Variants in STK36 observed in about 807,000 individuals in gnomAD.
The protein encoded by STK36 is serine/threonine-protein kinase 36.
Under a neutral mutation model 142.2 loss-of-function variants are expected in STK36, and 116 were observed. That is an observed-to-expected ratio of 0.82 (90% CI 0.70 to 0.95). The LOEUF (loss-of-function observed/expected upper bound fraction) is 0.95, where lower values mean the gene tolerates loss of function less well. Among genes scored for constraint, STK36 ranks in the 40% least tolerant of loss-of-function variants. STK36 has a pLI of 0.00. For missense variants in STK36, 1,422 were observed against 1,617.2 expected (o/e 0.88, Z 2.07); for synonymous variants, 619 against 641.7 (o/e 0.96, Z 0.53).
intron 11 of STK36, chr2:218,688,305 C>A: frequency 2.2e-6 from 1 of 458,198 alleles, no homozygotes; most frequent in Non-Finnish European, 4.4e-6. Flanking sequence ...GTTGTTTTGT[C>A]TTTCTGTGGT....
At position 218,694,720 on chromosome 2, in the gene STK36, A is replaced by C; in HGVS notation, c.2511+85A>C. 6.7e-6 allele frequency: 8 copies of C among 1,194,676 alleles called. No individual in the cohort carries two copies. The highest frequency in any genetic ancestry group is 9.8e-6 in the Non-Finnish European group (8 of 815,628). 74.0% of individuals were successfully genotyped at this position (1,194,676 alleles called of 1,614,324 possible). ...TTCAAGGGGAAAAGACTGAAATGCC[A>C]GCAAGCCTGGAGTAAACTGAGGAAT... On this transcript the variant is annotated intron_variant, in intron 21 of 26. Coordinates refer to ENST00000295709, the MANE Select transcript of STK36 (RefSeq NM_015690.5). The surrounding 1 kb of genome is among the most constrained non-coding windows in gnomAD (Gnocchi z 4.4).
At chr2:218,680,777 A>G in intron 10 of STK36, 75 bp downstream of exon 10, 1 of 1,303,574 alleles carries the variant, frequency 7.7e-7, no homozygotes, top group Non-Finnish European at 1.1e-6. Context: ...TTTCTAGAAC[A>G]GTGATTCCCA....
rs1327760087 is a variant in STK36 at position 218,697,459 on chromosome 2, C to A, written c.2762-4C>A. On this transcript the variant is annotated splice_polypyrimidine_tract_variant and splice_region_variant and intron_variant, in intron 23 of 26. Transcript: ENST00000295709. ...CATTGGGTCTCCATTTTTGGTGTTA[C>A]CAGGCATGGCAGCCCTGCTGAGCCT... The A allele has an allele frequency of 1.9e-6, 3 of 1,613,186 alleles. No homozygotes were observed. Among genetic ancestry groups the A allele is most frequent in the Admixed American group, 1.7e-5 (1 of 59,760 alleles).
At chr2:218,679,521 C>T (rs1356509812) in intron 7 of STK36, 39 bp from the exon 8 acceptor site, 1 of 1,594,940 alleles carries the variant, frequency 6.3e-7, no homozygotes, top group Non-Finnish European at 8.5e-7. Flanking sequence ...GGGACTATGG[C>T]CCCCATGATC....
chr2:218,680,331 T>C (rs61301464), intron 9 of STK36, among the ~76,000 whole-genome samples: 9,187 of 152,208 alleles, frequency 0.06, 924 homozygotes, highest in African/African-American at 0.21. Context: ...ATCATCTCCA[T>C]CCAAAAGGGA....
chr2:218,688,642 C>T (rs1172335968), intron 11 of STK36, 55 bp from the exon 12 acceptor site: 3 of 1,572,060 alleles, frequency 1.9e-6, no homozygotes, highest in Non-Finnish European at 2.6e-6. Flanking sequence ...GTGTAGTTCT[C>T]CTTCTTTTAC....
At chr2:218,672,268 A>G (rs1940013049) in intron 1 of STK36, 53 bp downstream of exon 1, 7 of 514,586 alleles carry the variant, frequency 1.4e-5, no homozygotes, top group Non-Finnish European at 3.5e-6. Context: ...GAGAAGAATT[A>G]TAAGTCAGGC....
Position 218,696,600 on chromosome 2 carries a change from A to T in STK36, c.2585A>T (p.Glu862Val). ...ATCCTTCTGTTGCAGCTCCTCACTG[A>T]GGTACAGATGGATCTTGGGATGGAT... ...LLILLLQLLT[E>V]QGKASLIRDM... The change falls in exon 22 of 27, where the codon GAG becomes GTG. Residue 862 changes from glutamate (E) to valine (V), a missense_variant and splice_region_variant. By Grantham distance (121) the Glu-to-Val change is moderately radical. Coordinates refer to ENST00000295709, the MANE Select transcript of STK36 (RefSeq NM_015690.5). 1 of 1,613,888 alleles carries T rather than the reference A, an allele frequency of 6.2e-7. No individual in the cohort carries two copies. Among genetic ancestry groups the T allele is most frequent in the Non-Finnish European group, 8.5e-7 (1 of 1,179,840 alleles).
At position 218,696,380 on chromosome 2, in the gene STK36, G is replaced by A. The variant is rs1239631126; in HGVS notation, c.2512-147G>A. 6.8e-5 allele frequency: 45 copies of A among 659,854 alleles called. No individual in the cohort carries two copies. The East Asian group carries it at 1.0e-3, about 15-fold the overall frequency. 40.9% of individuals were successfully genotyped at this position (659,854 alleles called of 1,614,324 possible). A position where few individuals can be genotyped will look rare whatever the true frequency, so the allele number is the denominator to read the frequency against. On this transcript the variant is annotated intron_variant, in intron 21 of 26. Transcript: ENST00000295709. ...CTCTCTTCCCCATTATTCCCCCACC[G>A]AAATGGTTCCCCCAGGCCCCATATA...
At position 218,694,654 on chromosome 2, in the gene STK36, G is replaced by A. The variant is rs150863582; in HGVS notation, c.2511+19G>A. On this transcript the variant is annotated intron_variant, in intron 21 of 26. Transcript: ENST00000295709. This position sits in a 1 kb window ranked among gnomAD's most constrained non-coding sequence, Gnocchi z 4.4. Reference sequence around the variant, plus strand: ...TGCAGAGGTGAGGCCCCCCAGGGAGGGCACAGACATGTTTTCTCTGAGTCA... The same window carrying A: ...TGCAGAGGTGAGGCCCCCCAGGGAGAGCACAGACATGTTTTCTCTGAGTCA... 9.8e-5 allele frequency: 157 copies of A among 1,605,644 alleles called. No individual in the cohort carries two copies. The African/African-American group carries it at 1.9e-3, about 20-fold the overall frequency.
intron 10 of STK36, 41 bp from the exon 11 acceptor site, chr2:218,685,044 T>TAA: frequency 6.2e-7 from 1 of 1,612,438 alleles, no homozygotes; most frequent in Non-Finnish European, 8.5e-7. Context: ...ACCTTAGACT[T>TAA]ACACACTACT....
In STK36 at chr2:218,694,574, T is replaced by C; in HGVS notation, c.2450T>C (p.Phe817Ser). 1 of 1,614,232 alleles carries C rather than the reference T, an allele frequency of 6.2e-7. No homozygotes were observed. Among genetic ancestry groups the C allele is most frequent in the Non-Finnish European group, 8.5e-7 (1 of 1,180,046 alleles). Reference sequence around the variant, plus strand: ...CAGCTTGGTCAGCAAGGGGTGACCTTTGACCTCCAGCCCATGGAATGGATG... The same window carrying C: ...CAGCTTGGTCAGCAAGGGGTGACCTCTGACCTCCAGCCCATGGAATGGATG... Reference protein sequence around the residue: ...LGQLGQQGVTFDLQPMEWMAA... With the variant: ...LGQLGQQGVTSDLQPMEWMAA... Residue 817 changes from phenylalanine to serine, a missense_variant, in exon 21 of 27, where the codon TTT (phenylalanine) becomes TCT (serine). Physicochemically the swap from Phe to Ser is radical, Grantham distance 155. Coordinates refer to ENST00000295709, the MANE Select transcript of STK36 (RefSeq NM_015690.5). The surrounding 1 kb of genome is among the most constrained non-coding windows in gnomAD (Gnocchi z 4.4).
intron 9 of STK36, 71 bp downstream of exon 9, chr2:218,680,151 T>C: frequency 6.8e-7 from 1 of 1,465,076 alleles, no homozygotes; most frequent in Non-Finnish European, 9.4e-7. Context: ...CCAAAGCAAA[T>C]ACAGAATGGT....
At chr2:218,689,829 C>G in intron 12 of STK36, 30 bp from the exon 13 acceptor site, 1 of 1,585,790 alleles carries the variant, frequency 6.3e-7, no homozygotes, top group South Asian at 1.1e-5. Context: ...CTTCACATTG[C>G]CCTTACTCTC....
intron 1 of STK36, chr2:218,672,460 T>C: frequency 3.4e-6 from 1 of 292,272 alleles, no homozygotes; most frequent in Non-Finnish European, 6.6e-6. Context: ...TGGGGGAGAC[T>C]CAAAGGAGCA....
In STK36 at chr2:218,688,697, A is replaced by G; in HGVS notation, c.1381A>G (p.Ile461Val). Residue 461 changes from isoleucine (I) to valine (V), a missense_variant and splice_region_variant, in exon 12 of 27, where the codon ATC (isoleucine) becomes GTC (valine). Coordinates refer to ENST00000295709, the MANE Select transcript of STK36 (RefSeq NM_015690.5). ...TGCCTCTTTCCCTCATGTCACCCAG[A>G]TCCTGAAAGGCATCTTGGAGGGTGC... ...QSQLHEAGGQILKGILEGASH... is the reference protein window; with the variant it reads ...QSQLHEAGGQVLKGILEGASH... The G allele has an allele frequency of 1.2e-6, 2 of 1,611,666 alleles. No individual in the cohort carries two copies. Among genetic ancestry groups the G allele is most frequent in the Non-Finnish European group, 1.7e-6 (2 of 1,179,102 alleles).
intron 11 of STK36, among the ~76,000 whole-genome samples, chr2:218,686,949 T>C (rs908118474): frequency 6.6e-6 from 1 of 152,256 alleles, no homozygotes; most frequent in Admixed American, 6.5e-5. Context: ...ACTTTTTTAC[T>C]ATAGCCATTC....
chr2:218,690,230 T>G (rs1940943055), intron 13 of STK36, among the ~76,000 whole-genome samples: 1 of 151,146 alleles, frequency 6.6e-6, no homozygotes, highest in Non-Finnish European at 1.5e-5. Context: ...CCAATTGGAT[T>G]AAAGAAAGAA....
chr2:218,679,772 G>A, intron 8 of STK36, 43 bp downstream of exon 8: 1 of 1,612,610 alleles, frequency 6.2e-7, no homozygotes, highest in Non-Finnish European at 8.5e-7. Context: ...CCAGGCTAGT[G>A]ACTGGGGAGT....
Sources: gnomAD v4.1 joint callset for allele counts (sites outside exome capture counted in the v4.1 genomes callset) on GRCh38, gnomAD v4.1.1 for gene constraint, Gnocchi (gnomAD v3.1) non-coding constraint, MANE v1.5 for transcripts, NCBI Gene and HGNC (gene_info 2026-07-23, HGNC 2026-07-21) for gene names.